The following MOCOS variants were observed in gnomAD, a reference collection of about 807,000 sequenced individuals.
MOCOS encodes the protein molybdenum cofactor sulfurase, also known as human molybdenum cofactor sulfurase.
MOCOS carries 86 observed loss-of-function variants against 83.6 expected under a neutral mutation model. The observed-to-expected ratio is 1.03, with a 90% CI of 0.86 to 1.23. The LOEUF (loss-of-function observed/expected upper bound fraction) is 1.23, where lower values mean the gene tolerates loss of function less well. Among genes scored for constraint, MOCOS ranks in the 50% most tolerant of loss-of-function variants. MOCOS has a pLI of 0.00. For synonymous variants in MOCOS, 445 were observed against 434.7 expected, an observed-to-expected ratio of 1.02 and a Z score of -0.29; for missense variants, 1,120 against 1,126.9, an observed-to-expected ratio of 0.99 and a Z score of 0.09.
At position 36,257,650 on chromosome 18, in the gene MOCOS, G is replaced by A. The variant is rs1013419380; in HGVS notation, c.2270+577G>A. On this transcript the variant is annotated intron_variant, in intron 12 of 14. Coordinates refer to ENST00000261326, the MANE Select transcript of MOCOS (RefSeq NM_017947.4). Reference sequence around the variant, plus strand: ...GGGTCATGGTTGGGCCAACCCTCTCGTTGTTCTTTAGAGCAAACTGAAGTC... The same window carrying A: ...GGGTCATGGTTGGGCCAACCCTCTCATTGTTCTTTAGAGCAAACTGAAGTC... 5.3e-5 allele frequency among the ~76,000 whole-genome samples: 8 copies of A among 152,206 alleles called. No individual in the cohort carries two copies. The South Asian group carries it at 1.0e-3, about 20-fold the overall frequency.
At chr18:36,230,252 A>AT (rs779416174) in intron 9 of MOCOS, among the ~76,000 whole-genome samples, 10 of 151,950 alleles carry the variant, frequency 6.6e-5, no homozygotes, top group South Asian at 6.3e-4. Flanking sequence ...CACCAGGCTA[A>AT]TTTTTTTGTA....
At chr18:36,222,118 ACTTTG>A in intron 9 of MOCOS, among the ~76,000 whole-genome samples, 1 of 152,268 alleles carries the variant, frequency 6.6e-6, no homozygotes, top group Non-Finnish European at 1.5e-5. Context: ...TACCATATTT[ACTTTG>A]TTCATCTCTT....
At chr18:36,192,468 A>C (rs2091369999) in intron 1 of MOCOS, among the ~76,000 whole-genome samples, 1 of 152,230 alleles carries the variant, frequency 6.6e-6, no homozygotes, top group Non-Finnish European at 1.5e-5. Context: ...AATAAATGGA[A>C]AGATATCCTG....
At chr18:36,194,677 T>C (rs541927741) in intron 1 of MOCOS, among the ~76,000 whole-genome samples, 1 of 152,358 alleles carries the variant, frequency 6.6e-6, no homozygotes, top group East Asian at 1.9e-4. Context: ...ACCAGTGAGC[T>C]TGTTTCGCCA....
chr18:36,248,308 T>TC (rs1232910047), intron 9 of MOCOS, among the ~76,000 whole-genome samples: 1 of 152,242 alleles, frequency 6.6e-6, no homozygotes, highest in African/African-American at 2.4e-5. Context: ...TTGTTTTTTT[T>TC]CACTGTTGAG....
chr18:36,235,880 AG>A (rs2091556554), intron 9 of MOCOS, among the ~76,000 whole-genome samples: 1 of 151,650 alleles, frequency 6.6e-6, no homozygotes, highest in Non-Finnish European at 1.5e-5. Context: ...TCTGATGGCC[AG>A]TGATGGTGAG....
chr18:36,244,800 C>T (rs145330002), intron 9 of MOCOS, among the ~76,000 whole-genome samples: 21 of 152,202 alleles, frequency 1.4e-4, no homozygotes, highest in African/African-American at 5.1e-4. Context: ...TTGAGAACTC[C>T]AATTCCGGTG....
chr18:36,262,037 A>G (rs2091665167), intron 13 of MOCOS, among the ~76,000 whole-genome samples: 1 of 152,140 alleles, frequency 6.6e-6, no homozygotes, highest in Non-Finnish European at 1.5e-5. Flanking sequence ...AGACTCTTTA[A>G]GGAACCTTTC....
intron 9 of MOCOS, among the ~76,000 whole-genome samples, chr18:36,233,843 A>G (rs747947384): frequency 1.3e-5 from 2 of 152,026 alleles, no homozygotes; most frequent in Non-Finnish European, 2.9e-5. Flanking sequence ...CTTTTGAAAA[A>G]TTTCCATTCA....
intron 9 of MOCOS, among the ~76,000 whole-genome samples, chr18:36,235,418 G>C (rs1270443725): frequency 7.7e-6 from 1 of 130,018 alleles, no homozygotes; most frequent in East Asian, 2.2e-4. Flanking sequence ...TACTGAGAAT[G>C]ATGATTTCCA....
chr18:36,265,662 G>A (rs879789252), intron 13 of MOCOS, among the ~76,000 whole-genome samples: 3 of 152,058 alleles, frequency 2.0e-5, no homozygotes, highest in Non-Finnish European at 4.4e-5. Flanking sequence ...CCACCAGACA[G>A]TATGACCTGT....
At chr18:36,208,144 T>C (rs1489826486) in intron 6 of MOCOS, among the ~76,000 whole-genome samples, 1 of 152,170 alleles carries the variant, frequency 6.6e-6, no homozygotes, top group Non-Finnish European at 1.5e-5. Context: ...ACCTTTTCCG[T>C]TGAATTTATG....
At chr18:36,266,976 G>A in intron 14 of MOCOS, 123 bp downstream of exon 14, 1 of 815,574 alleles carries the variant, frequency 1.2e-6, no homozygotes, top group South Asian at 1.5e-5. Flanking sequence ...ATCCAAAGCT[G>A]TTGGGCTGCC....
At chr18:36,198,563 G>A in intron 2 of MOCOS, 127 bp from the exon 3 acceptor site, 2 of 873,736 alleles carry the variant, frequency 2.3e-6, no homozygotes, top group Non-Finnish European at 3.8e-6. Flanking sequence ...TCTAGGAGTG[G>A]AATTGTTAGG....
intron 9 of MOCOS, among the ~76,000 whole-genome samples, chr18:36,231,437 T>C (rs2091537322): frequency 6.6e-6 from 1 of 152,250 alleles, no homozygotes; most frequent in African/African-American, 2.4e-5. Flanking sequence ...TAATTATTGT[T>C]ATTTTGAACT....
chr18:36,215,567 G>A lies in MOCOS; in HGVS notation c.1387G>A (p.Gly463Arg). ...GGACCTCATAGATGGGCAGCCCACAGGATCTGTGAGGATTTCATTTGGATA... is the reference window on the plus strand; with the variant it reads ...GGACCTCATAGATGGGCAGCCCACAAGATCTGTGAGGATTTCATTTGGATA... ...NMDLIDGQPT[G>R]SVRISFGYMS... Residue 463 changes from glycine (G) to arginine (R), a missense_variant, in exon 8 of 15, where the codon GGA (glycine) becomes AGA (arginine). Physicochemically the swap from Gly to Arg is moderately radical, Grantham distance 125 (BLOSUM62 -2). Transcript: ENST00000261326. 1.2e-6 allele frequency: 2 copies of A among 1,614,176 alleles called. No homozygotes were observed. Among genetic ancestry groups the A allele is most frequent in the Non-Finnish European group, 1.7e-6 (2 of 1,180,034 alleles).
At chr18:36,210,776 G>A (rs775675989) in intron 6 of MOCOS, among the ~76,000 whole-genome samples, 54 of 141,060 alleles carry the variant, frequency 3.8e-4, no homozygotes, top group Non-Finnish European at 9.0e-5. Flanking sequence ...ACTTGAACCC[G>A]AGAGGTGGAA....
In MOCOS at chr18:36,215,525, G is replaced by A. The variant is rs781233778; in HGVS notation, c.1345G>A (p.Val449Ile). 6.2e-7 allele frequency: 1 copy of A among 1,613,962 alleles called. No individual in the cohort carries two copies. The highest frequency in any genetic ancestry group is 1.7e-5 in the Admixed American group (1 of 60,012). ...MVRKHFQAGH[V>I]CGDNMDLIDG... Reference sequence around the variant, plus strand: ...TTCCCTCTTATCCTAGGCTGGTCATGTCTGTGGGGACAATATGGACCTCAT... The same window carrying A: ...TTCCCTCTTATCCTAGGCTGGTCATATCTGTGGGGACAATATGGACCTCAT... The change falls in exon 8 of 15, where the codon GTC (valine) becomes ATC (isoleucine). Residue 449 changes from valine (V) to isoleucine (I), a missense_variant. By Grantham distance (29) the Val-to-Ile change is conservative (BLOSUM62 3). Coordinates refer to ENST00000261326, the MANE Select transcript of MOCOS (RefSeq NM_017947.4).
intron 9 of MOCOS, among the ~76,000 whole-genome samples, chr18:36,228,052 T>C (rs1379098793): frequency 2.0e-5 from 3 of 152,126 alleles, no homozygotes; most frequent in African/African-American, 7.2e-5. Context: ...AGAAGACATA[T>C]ATGCAGCCAA....
Sources: gnomAD v4.1 joint callset for allele counts (sites outside exome capture counted in the v4.1 genomes callset) on GRCh38, gnomAD v4.1.1 for gene constraint, MANE v1.5 for transcripts, NCBI Gene and HGNC (gene_info 2026-07-23, HGNC 2026-07-21) for gene names.